The following GABBR2 variants were observed in gnomAD, a reference collection of about 807,000 sequenced individuals.
GABBR2 encodes gamma-aminobutyric acid type B receptor subunit 2, also known as G-protein coupled receptor 51.
A neutral mutation model predicts 105.6 loss-of-function variants in GABBR2; 23 were observed. The ratio of observed to expected loss-of-function variants is 0.22; its 90% confidence interval spans 0.16 to 0.31. GABBR2 has a LOEUF of 0.31. Among genes scored for constraint, GABBR2 ranks in the 10% least tolerant of loss-of-function variants. The probability of loss-of-function intolerance (pLI) is 1.00; values close to 1 mark genes in which losing one functional copy is unlikely to be tolerated. For missense variants in GABBR2, 734 were observed against 1,245.5 expected (o/e 0.59, Z 6.18); for synonymous variants, 478 against 499.7 (o/e 0.96, Z 0.58).
chr9:98,384,615 A>C (rs1449745261), intron 11 of GABBR2, among the ~76,000 whole-genome samples: 1 of 152,162 alleles, frequency 6.6e-6, no homozygotes, highest in Non-Finnish European at 1.5e-5. Context: ...AAACAAAAAA[A>C]AATAAAAGGC....
At chr9:98,667,546 C>T (rs977107352) in intron 1 of GABBR2, among the ~76,000 whole-genome samples, 1 of 152,162 alleles carries the variant, frequency 6.6e-6, no homozygotes, top group Non-Finnish European at 1.5e-5. Flanking sequence ...TAGGAAGACC[C>T]AACACCCTTG....
intron 3 of GABBR2, among the ~76,000 whole-genome samples, chr9:98,511,591 T>C (rs1395368351): frequency 2.4e-4 from 36 of 151,922 alleles, no homozygotes; most frequent in Admixed American, 4.6e-4. Context: ...ACCGATCCCA[T>C]AGAAATACAA....
intron 2 of GABBR2, among the ~76,000 whole-genome samples, chr9:98,551,551 C>CA (rs1392093429): frequency 6.6e-6 from 1 of 152,192 alleles, no homozygotes; most frequent in Admixed American, 6.5e-5. Flanking sequence ...CCATGGCTTC[C>CA]AGGGCCTCTC....
chr9:98,290,577 C>T lies in GABBR2; in HGVS notation c.*7G>A, dbSNP rs370717972. 8.0e-4 allele frequency: 1,093 copies of T among 1,371,074 alleles called. No homozygotes were observed. Among genetic ancestry groups the T allele is most frequent in the Non-Finnish European group, 9.5e-4 (1,012 of 1,059,838 alleles). The allele number at this position is 1,371,074 out of a possible 1,614,324, so 84.9% of individuals were successfully genotyped here. A position where few individuals can be genotyped will look rare whatever the true frequency, so the allele number is the denominator to read the frequency against. ...CGGGGGAGGCCCCGGGCCCAGGCCT[C>T]CCACCCTTACAGGCCCGAGACCATG... On this transcript the variant is annotated 3_prime_UTR_variant, in exon 19 of 19. Transcript: ENST00000259455.
intron 2 of GABBR2, among the ~76,000 whole-genome samples, chr9:98,550,487 A>G (rs904212392): frequency 9.2e-5 from 14 of 152,194 alleles, no homozygotes; most frequent in African/African-American, 3.1e-4. Context: ...GAAATGGAGG[A>G]GTGGAACCAG....
intron 6 of GABBR2, among the ~76,000 whole-genome samples, chr9:98,468,804 C>T (rs1252631738): frequency 6.6e-6 from 1 of 152,194 alleles, no homozygotes; most frequent in East Asian, 1.9e-4. Context: ...GAGTACCACA[C>T]TCTGTGCTCC....
intron 1 of GABBR2, among the ~76,000 whole-genome samples, chr9:98,655,812 A>AAC (rs1384642161): frequency 6.6e-6 from 1 of 151,090 alleles, no homozygotes; most frequent in Non-Finnish European, 1.5e-5. Flanking sequence ...CAGGGAGGGG[A>AAC]ACATCACACA....
chr9:98,615,321 T>C (rs1004846894), intron 1 of GABBR2, among the ~76,000 whole-genome samples: 1 of 152,176 alleles, frequency 6.6e-6, no homozygotes, highest in Non-Finnish European at 1.5e-5. Flanking sequence ...ACCACAAGCC[T>C]ATCTCAGCAC....
intron 7 of GABBR2, among the ~76,000 whole-genome samples, chr9:98,431,413 C>T (rs539684375): frequency 9.2e-5 from 14 of 152,124 alleles, no homozygotes; most frequent in Admixed American, 5.2e-4. Context: ...TTCCTAGCTC[C>T]TAGGGCAGTA....
intron 7 of GABBR2, among the ~76,000 whole-genome samples, chr9:98,428,774 C>T (rs1825744511): frequency 6.6e-6 from 1 of 152,082 alleles, no homozygotes. Flanking sequence ...CCCTTTTTTG[C>T]TGGACTTGGT....
intron 7 of GABBR2, among the ~76,000 whole-genome samples, chr9:98,430,936 G>GT (rs77111259): frequency 0.11 from 16,465 of 143,918 alleles, 1,082 homozygotes; most frequent in African/African-American, 0.19. Context: ...TATTTGGACT[G>GT]TTTTTTTTTT....
chr9:98,339,887 G>A (rs550267580), intron 13 of GABBR2, among the ~76,000 whole-genome samples: 4 of 152,158 alleles, frequency 2.6e-5, no homozygotes, highest in Admixed American at 6.5e-5. Context: ...TGGCTGAATA[G>A]CAATACCTGG....
Position 98,646,575 on chromosome 9 carries a change from C to T in GABBR2, c.321+61842G>A, listed in dbSNP as rs374666344. Among the ~76,000 whole-genome samples, 63 of 152,256 alleles carry T rather than the reference C, an allele frequency of 4.1e-4. 1 individual carries two copies. In the South Asian group the frequency reaches 0.013, roughly 31 times the overall value. On this transcript the variant is annotated intron_variant, in intron 1 of 18. Transcript: ENST00000259455. ...ACTCTGAGTCCCTCTAGCAAATTAT[C>T]GAGCCTAGAGGTGGTCTTGGGGACT...
At chr9:98,570,912 A>G (rs1828820752) in intron 2 of GABBR2, among the ~76,000 whole-genome samples, 1 of 152,148 alleles carries the variant, frequency 6.6e-6, no homozygotes, top group Admixed American at 6.5e-5. Context: ...CTTGGTTGTT[A>G]GGGGACCAAC....
chr9:98,692,215 C>T (rs1279912274), intron 1 of GABBR2, among the ~76,000 whole-genome samples: 3 of 152,118 alleles, frequency 2.0e-5, no homozygotes, highest in Non-Finnish European at 4.4e-5. Flanking sequence ...AGGTCACACC[C>T]GAGTCAAGTT....
intron 3 of GABBR2, among the ~76,000 whole-genome samples, chr9:98,499,515 A>G (rs570201034): frequency 3.2e-4 from 49 of 152,360 alleles, no homozygotes; most frequent in African/African-American, 1.2e-3. Context: ...GCTCACCTCA[A>G]GTATTTATCC....
intron 1 of GABBR2, among the ~76,000 whole-genome samples, chr9:98,625,380 C>T (rs1204805017): frequency 6.6e-6 from 1 of 152,250 alleles, no homozygotes; most frequent in Non-Finnish European, 1.5e-5. Flanking sequence ...TGTTCCCTGT[C>T]CTCATACCCA....
intron 1 of GABBR2, among the ~76,000 whole-genome samples, chr9:98,659,863 A>G (rs1211194028): frequency 6.6e-6 from 1 of 152,048 alleles, no homozygotes; most frequent in Non-Finnish European, 1.5e-5. Context: ...TTTAGCTTGC[A>G]GGCTTAAAAA....
At chr9:98,545,478 A>G (rs1828380306) in intron 2 of GABBR2, among the ~76,000 whole-genome samples, 2 of 152,318 alleles carry the variant, frequency 1.3e-5, no homozygotes, top group Middle Eastern at 6.8e-3. Flanking sequence ...CATCTGAGAA[A>G]TCATCTAGCT....
Sources: allele counts gnomAD v4.1 joint callset (sites outside exome capture counted in the v4.1 genomes callset), GRCh38; gene constraint gnomAD v4.1.1; transcripts MANE v1.5; gene names NCBI Gene and HGNC (gene_info 2026-07-23, HGNC 2026-07-21).